TXNDC8: variants seen among roughly 807,000 people sequenced by gnomAD.
The protein encoded by TXNDC8 is thioredoxin domain-containing protein 8.
TXNDC8 carries 15 observed loss-of-function variants against 12.9 expected under a neutral mutation model. The observed-to-expected ratio is 1.16, with a 90% CI of 0.78 to 1.79. The LOEUF is 1.79. Ranked by LOEUF, TXNDC8 falls within the 40% of genes most tolerant of loss-of-function variation. TXNDC8 has a pLI of 0.00. For missense variants in TXNDC8, 128 were observed against 113.2 expected, an observed-to-expected ratio of 1.13 and a Z score of -0.59; for synonymous variants, 40 against 35.4, an observed-to-expected ratio of 1.13 and a Z score of -0.46.
downstream of TXNDC8, chr9:110,303,382 T>G: frequency 1.0e-6 from 1 of 959,936 alleles, no homozygotes; most frequent in Non-Finnish European, 1.4e-6. Context: ...TGCAGTGAGA[T>G]TGCATTATGG....
intron 3 of TXNDC8, chr9:110,323,140 A>G (rs1839175442): frequency 1.0e-6 from 1 of 985,420 alleles, no homozygotes; most frequent in South Asian, 4.7e-5. Context: ...GAACAGAGAT[A>G]TGGTGCTAAG....
At chr9:110,321,509 G>A (rs1839090796) in intron 3 of TXNDC8, among the ~76,000 whole-genome samples, 1 of 152,164 alleles carries the variant, frequency 6.6e-6, no homozygotes, top group Non-Finnish European at 1.5e-5. Context: ...CTTGTAAGAA[G>A]CCTTAATAGG....
chr9:110,326,292 G>A, intron 2 of TXNDC8, 52 bp from the exon 4 acceptor site: 2 of 1,587,158 alleles, frequency 1.3e-6, no homozygotes, highest in Non-Finnish European at 1.7e-6. Flanking sequence ...TCCTCTCTCT[G>A]TACCAAGCAT....
chr9:110,314,717 C>A (rs1315992508), intron 3 of TXNDC8, among the ~76,000 whole-genome samples: 2 of 152,172 alleles, frequency 1.3e-5, no homozygotes, highest in Non-Finnish European at 2.9e-5. Context: ...CAGGCTTGAG[C>A]CACCGCGCCC....
intron 3 of TXNDC8, among the ~76,000 whole-genome samples, chr9:110,320,758 G>A (rs373186362): frequency 4.6e-5 from 7 of 152,152 alleles, no homozygotes; most frequent in African/African-American, 1.7e-4. Flanking sequence ...TAATATTCTG[G>A]TTACAAAGAC....
intron 2 of TXNDC8, among the ~76,000 whole-genome samples, chr9:110,329,764 C>A (rs774158084): frequency 6.6e-6 from 1 of 152,098 alleles, no homozygotes; most frequent in Admixed American, 6.5e-5. Context: ...CTGCTTGAAG[C>A]GATGTCAACA....
chr9:110,336,183 T>C (rs1255472745), intron 1 of TXNDC8, among the ~76,000 whole-genome samples: 1 of 152,234 alleles, frequency 6.6e-6, no homozygotes, highest in Non-Finnish European at 1.5e-5. Context: ...TTTTTCTTTA[T>C]AAATTACCAA....
intron 3 of TXNDC8, among the ~76,000 whole-genome samples, chr9:110,315,834 C>T (rs1388562835): frequency 2.7e-4 from 10 of 36,902 alleles, no homozygotes; most frequent in South Asian, 1.0e-3. Context: ...TTTTTTTTGG[C>T]GGCAGGGGAG....
intron 3 of TXNDC8, among the ~76,000 whole-genome samples, chr9:110,325,565 G>C (rs1839279233): frequency 6.9e-6 from 1 of 145,664 alleles, no homozygotes; most frequent in Non-Finnish European, 1.5e-5. Context: ...CGCCCAGGCT[G>C]GATGGAGTGC....
chr9:110,325,645 C>T (rs1463116081), intron 3 of TXNDC8, among the ~76,000 whole-genome samples: 7 of 151,710 alleles, frequency 4.6e-5, no homozygotes, highest in African/African-American at 1.5e-4. Flanking sequence ...CTCAGCCTCT[C>T]GAGTACCTGG....
intron 3 of TXNDC8, chr9:110,322,549 T>C: frequency 1.0e-6 from 1 of 985,478 alleles, no homozygotes; most frequent in South Asian, 4.7e-5. Flanking sequence ...AGCAGGGCCA[T>C]GCCTTTCCTC....
chr9:110,322,928 C>T (rs1056466712), intron 3 of TXNDC8: 4 of 985,398 alleles, frequency 4.1e-6, no homozygotes, highest in Non-Finnish European at 4.8e-6. Context: ...CCTTCAGGTG[C>T]TTGGACTAGT....
chr9:110,317,542 A>T (rs1442963839), intron 3 of TXNDC8, among the ~76,000 whole-genome samples: 1 of 152,234 alleles, frequency 6.6e-6, no homozygotes, highest in African/African-American at 2.4e-5. Flanking sequence ...CTGGAAGGCC[A>T]TCATACTATA....
In TXNDC8 at chr9:110,304,489, C is replaced by A. The variant is rs200278329; in HGVS notation, c.239G>T (p.Arg80Ile). 25 of 1,610,330 alleles carry A rather than the reference C, an allele frequency of 1.6e-5. 1 individual carries two copies. The Middle Eastern group carries it at 4.9e-4, about 32-fold the overall frequency. Residue 80 changes from arginine to isoleucine, a missense_variant, in exon 4 of 5, where the codon AGA becomes ATA. Physicochemically the swap from Arg to Ile is moderately conservative, Grantham distance 97. Transcript: ENST00000423740. Reference sequence around the variant, plus strand: ...TACCAGGTTGCTCATGAATCCACTTCTATAACAGCAAATTATTCTTTTGAT... The same window carrying A: ...TACCAGGTTGCTCATGAATCCACTTATATAACAGCAAATTATTCTTTTGAT...
At chr9:110,325,937 C>G (rs1839299463) in intron 3 of TXNDC8, among the ~76,000 whole-genome samples, 1 of 152,174 alleles carries the variant, frequency 6.6e-6, no homozygotes. Flanking sequence ...GACTTGGATA[C>G]CTCAGATGGT....
chr9:110,305,147 CA>C (rs769344640), intron 3 of TXNDC8, among the ~76,000 whole-genome samples: 1,627 of 57,070 alleles, frequency 0.029, 9 homozygotes, highest in African/African-American at 0.081. Flanking sequence ...GATTCTGTCT[CA>C]AAAAAAAAAA....
chr9:110,305,442 C>T (rs1838398439), intron 3 of TXNDC8, among the ~76,000 whole-genome samples: 1 of 152,098 alleles, frequency 6.6e-6, no homozygotes, highest in Non-Finnish European at 1.5e-5. Flanking sequence ...TCTTTGTGAG[C>T]ACATAAGCAC....
intron 1 of TXNDC8, among the ~76,000 whole-genome samples, chr9:110,337,527 G>A (rs1839804540): frequency 6.6e-6 from 1 of 152,210 alleles, no homozygotes; most frequent in African/African-American, 2.4e-5. Flanking sequence ...GGATTCACCT[G>A]AAGTCAGGCA....
intron 1 of TXNDC8, among the ~76,000 whole-genome samples, chr9:110,335,442 G>C (rs1265924726): frequency 6.6e-6 from 1 of 152,112 alleles, no homozygotes; most frequent in African/African-American, 2.4e-5. Flanking sequence ...CTAATACATA[G>C]TACTCTGTTC....
Sources: allele counts gnomAD v4.1 joint callset (sites outside exome capture counted in the v4.1 genomes callset), GRCh38; gene constraint gnomAD v4.1.1; transcripts MANE v1.5; gene names NCBI Gene and HGNC (gene_info 2026-07-23, HGNC 2026-07-21).